Variants in EPHA6 observed in about 807,000 individuals in gnomAD.
EPHA6 encodes the protein EPH receptor A6.
Under a neutral mutation model 112.0 loss-of-function variants are expected in EPHA6, and 50 were observed. The ratio of observed to expected loss-of-function variants is 0.45; its 90% CI spans 0.36 to 0.56. EPHA6 has a LOEUF of 0.56. EPHA6 is among the 20% of genes least tolerant of loss of function. The pLI, the probability that EPHA6 is intolerant of heterozygous loss-of-function variation, is 0.00. For synonymous variants in EPHA6, 529 were observed against 490.7 expected (o/e 1.08, Z -1.03); for missense variants, 1,280 against 1,417.4 (o/e 0.90, Z 1.56).
intron 6 of EPHA6, among the ~76,000 whole-genome samples, chr3:97,418,998 A>T (rs1408329138): frequency 6.6e-6 from 1 of 152,200 alleles, no homozygotes; most frequent in East Asian, 1.9e-4. Flanking sequence ...TAATGAACTA[A>T]GTATCTTACT....
At chr3:97,456,437 C>G (rs1242582754) in intron 7 of EPHA6, among the ~76,000 whole-genome samples, 1 of 151,906 alleles carries the variant, frequency 6.6e-6, no homozygotes, top group Non-Finnish European at 1.5e-5. Context: ...ATTTTTATAC[C>G]TCTTATATTG....
intron 5 of EPHA6, among the ~76,000 whole-genome samples, chr3:97,336,104 A>T (rs1227724278): frequency 1.3e-5 from 2 of 152,140 alleles, no homozygotes; most frequent in Admixed American, 1.3e-4. Flanking sequence ...TGCAGCCTCC[A>T]GTTGCATGAC....
chr3:96,840,369 ACT>A (rs1317436536), intron 1 of EPHA6, among the ~76,000 whole-genome samples: 1 of 151,790 alleles, frequency 6.6e-6, no homozygotes, highest in African/African-American at 2.4e-5. Context: ...TTTTCTCTTG[ACT>A]CTTGATTTCT....
At chr3:97,671,551 T>C (rs2030829065) in intron 14 of EPHA6, among the ~76,000 whole-genome samples, 1 of 152,210 alleles carries the variant, frequency 6.6e-6, no homozygotes, top group Non-Finnish European at 1.5e-5. Context: ...AATTAGATTA[T>C]GCAAATAGCA....
chr3:97,425,907 A>G (rs1324380821), intron 6 of EPHA6, among the ~76,000 whole-genome samples: 1 of 152,168 alleles, frequency 6.6e-6, no homozygotes, highest in Non-Finnish European at 1.5e-5. Flanking sequence ...TTGTACAGCA[A>G]GAGTGACTTT....
intron 2 of EPHA6, among the ~76,000 whole-genome samples, chr3:96,931,797 A>AGG (rs1449866397): frequency 6.6e-6 from 1 of 152,180 alleles, no homozygotes; most frequent in African/African-American, 2.4e-5. Context: ...TGGGGCCCTC[A>AGG]GAATACCGCT....
chr3:97,073,534 T>C (rs1329002605), intron 3 of EPHA6, among the ~76,000 whole-genome samples: 1 of 152,130 alleles, frequency 6.6e-6, no homozygotes, highest in African/African-American at 2.4e-5. Flanking sequence ...GAAAGCTAAA[T>C]CTAATAATTT....
intron 5 of EPHA6, among the ~76,000 whole-genome samples, chr3:97,316,696 C>T (rs1455505428): frequency 6.6e-6 from 1 of 151,906 alleles, no homozygotes; most frequent in Non-Finnish European, 1.5e-5. Flanking sequence ...AATGCCAACT[C>T]TAATGTGAAA....
At chr3:97,160,154 A>T (rs2076378911) in intron 3 of EPHA6, among the ~76,000 whole-genome samples, 1 of 152,142 alleles carries the variant, frequency 6.6e-6, no homozygotes, top group African/African-American at 2.4e-5. Flanking sequence ...GGGTAATGAC[A>T]AGGTGGCCGG....
At chr3:97,278,909 G>A (rs1414265300) in intron 5 of EPHA6, among the ~76,000 whole-genome samples, 12 of 152,168 alleles carry the variant, frequency 7.9e-5, no homozygotes, top group Non-Finnish European at 1.3e-4. Flanking sequence ...GCTTAGGCAG[G>A]ACAAAAACAC....
intron 2 of EPHA6, among the ~76,000 whole-genome samples, chr3:96,981,217 A>G (rs1383488897): frequency 1.3e-5 from 2 of 152,322 alleles, no homozygotes; most frequent in Non-Finnish European, 2.9e-5. Flanking sequence ...ATTTTGAGAT[A>G]CGTCCCATCA....
Position 96,887,781 on chromosome 3 carries a change from A to T in EPHA6, c.450+20892A>T, listed in dbSNP as rs185492573. The stretch of plus-strand genomic sequence containing the variant: ...AGTCTTGCTGTGGCTACTGTTGGGG[A>T]TGGGGGTGAGATTCCCAGGTCCCTG... On this transcript the variant is annotated intron_variant, in intron 2 of 17. Coordinates refer to ENST00000389672, the MANE Select transcript of EPHA6 (RefSeq NM_001080448.3). Among the ~76,000 whole-genome samples, 4 of 152,108 alleles carry T rather than the reference A, an allele frequency of 2.6e-5. No homozygotes were observed. The East Asian group carries it at 7.8e-4, about 30-fold the overall frequency.
intron 2 of EPHA6, among the ~76,000 whole-genome samples, chr3:96,942,597 G>A (rs577717592): frequency 2.0e-4 from 30 of 152,352 alleles, no homozygotes; most frequent in African/African-American, 6.7e-4. Flanking sequence ...GCTTAGGCTA[G>A]CACACGGTGC....
intron 2 of EPHA6, among the ~76,000 whole-genome samples, chr3:96,944,007 A>G (rs1431878077): frequency 6.6e-6 from 1 of 152,206 alleles, no homozygotes; most frequent in Non-Finnish European, 1.5e-5. Flanking sequence ...GTGAATAAAC[A>G]TGCTTAATAT....
At chr3:97,534,718 A>G (rs552532117) in intron 11 of EPHA6, among the ~76,000 whole-genome samples, 30 of 152,138 alleles carry the variant, frequency 2.0e-4, no homozygotes, top group African/African-American at 6.5e-4. Flanking sequence ...GAAGAAATAG[A>G]TGTTAATTAT....
chr3:97,564,214 A>G (rs1449584929), intron 11 of EPHA6, among the ~76,000 whole-genome samples: 1 of 148,100 alleles, frequency 6.8e-6, no homozygotes, highest in Non-Finnish European at 1.5e-5. Context: ...ACTTGTAAAA[A>G]CATTATTTAT....
intron 1 of EPHA6, among the ~76,000 whole-genome samples, chr3:96,854,562 G>A (rs1447744952): frequency 6.6e-6 from 1 of 151,856 alleles, no homozygotes; most frequent in Non-Finnish European, 1.5e-5. Context: ...TGTTTATTTT[G>A]ATCCAACTTT....
intron 5 of EPHA6, among the ~76,000 whole-genome samples, chr3:97,369,564 A>G (rs1162892022): frequency 1.3e-5 from 2 of 152,288 alleles, no homozygotes; most frequent in African/African-American, 2.4e-5. Flanking sequence ...TGGGAGCCTC[A>G]GGGATGACTG....
chr3:97,494,133 T>C (rs1345338250), intron 10 of EPHA6, among the ~76,000 whole-genome samples: 1 of 152,216 alleles, frequency 6.6e-6, no homozygotes, highest in East Asian at 1.9e-4. Context: ...TTTTCTAAAA[T>C]CAGGTATTTG....
Sources: gnomAD v4.1 joint callset for allele counts (sites outside exome capture counted in the v4.1 genomes callset) on GRCh38, gnomAD v4.1.1 for gene constraint, MANE v1.5 for transcripts, NCBI Gene and HGNC (gene_info 2026-07-23, HGNC 2026-07-21) for gene names.